Variants in ASB18 observed in about 807,000 individuals in gnomAD.
ASB18 encodes the protein ankyrin repeat and SOCS box containing 18.
In ASB18, 33 loss-of-function variants were observed where a neutral mutation model predicts 33.4. The observed-to-expected ratio is 0.99, with a 90% CI of 0.75 to 1.32. The LOEUF (loss-of-function observed/expected upper bound fraction) is 1.32. Among genes scored for constraint, ASB18 ranks in the 40% most tolerant of loss-of-function variants. ASB18 has a pLI of 0.00. For synonymous variants in ASB18, 295 were observed against 307.6 expected (o/e 0.96, Z 0.43); for missense variants, 694 against 655.5 (o/e 1.06, Z -0.64).
At position 236,253,737 on chromosome 2, in the gene ASB18, C is replaced by T. The variant is rs558551455; in HGVS notation, c.205+10404G>A. The T allele has an allele frequency of 6.6e-6, 1 of 152,176 alleles. No homozygotes were observed. Among genetic ancestry groups the T allele is most frequent in the East Asian group, 1.9e-4 (1 of 5,178 alleles). The allele number at this position is 152,176 out of a possible 1,614,324, so 9.4% of individuals were successfully genotyped here. On this transcript the variant is annotated intron_variant, in intron 1 of 5. Transcript: ENST00000409749. The surrounding 1 kb of genome is among the most constrained non-coding windows in gnomAD (Gnocchi z 5.4). ...AATTAGTTACCGGCAAAAATAAAAC[C>T]GAAAAACGACAGGTAATTACAAGTC... is the stretch of plus-strand genomic sequence containing the variant.
Position 236,263,308 on chromosome 2 carries a change from C to T in ASB18, c.205+833G>A, listed in dbSNP as rs1375757238. On this transcript the variant is annotated intron_variant, in intron 1 of 5. Transcript: ENST00000409749. This position sits in a 1 kb window ranked among gnomAD's most constrained non-coding sequence, Gnocchi z 4.0. ...CCAAGACCCAAATAGACAGGTCTTG[C>T]ACCTGATGAGGCCTACAAAGAAAAA... 6.6e-6 allele frequency among the ~76,000 whole-genome samples: 1 copy of T among 152,202 alleles called. No individual in the cohort carries two copies. The highest frequency in any genetic ancestry group is 2.4e-5 in the African/African-American group (1 of 41,446).
chr2:236,258,872 T>G (rs962633833), intron 1 of ASB18, among the ~76,000 whole-genome samples: 5 of 152,228 alleles, frequency 3.3e-5, no homozygotes, highest in African/African-American at 1.2e-4. Context: ...AATGCCTCTA[T>G]TTTTCTATTT....
chr2:236,201,712 G>T (rs1387765845), intron 4 of ASB18, among the ~76,000 whole-genome samples: 1 of 146,984 alleles, frequency 6.8e-6, no homozygotes. Flanking sequence ...TGGCTCACTT[G>T]GTCTGTGATA....
rs2060367465 is a variant in ASB18, at chr2:236,195,490, A to G, written c.1216-433T>C. Among the ~76,000 whole-genome samples the G allele has an allele frequency of 6.6e-6, 1 of 151,302 alleles. No homozygotes were observed. Among genetic ancestry groups the G allele is most frequent in the South Asian group, 2.1e-4 (1 of 4,780 alleles). ...CACACATGACTCAAGTCAGTGAAACAGAAAAAACACACACAACTCTTCTCA... is the reference window on the plus strand; with the variant it reads ...CACACATGACTCAAGTCAGTGAAACGGAAAAAACACACACAACTCTTCTCA... On this transcript the variant is annotated intron_variant, in intron 5 of 5. Transcript: ENST00000409749. This position sits in a 1 kb window ranked among gnomAD's most constrained non-coding sequence, Gnocchi z 5.5.
At chr2:236,243,557 G>A (rs1220589400) in intron 1 of ASB18, among the ~76,000 whole-genome samples, 2 of 152,176 alleles carry the variant, frequency 1.3e-5, no homozygotes, top group South Asian at 2.1e-4. Context: ...TGGGTGTTAG[G>A]AGGCTCCATA....
chr2:236,245,672 G>A lies in ASB18; in HGVS notation c.206-4270C>T, dbSNP rs745645893. Among the ~76,000 whole-genome samples the A allele has an allele frequency of 1.3e-5, 2 of 152,114 alleles. No homozygotes were observed. Among genetic ancestry groups the A allele is most frequent in the African/African-American group, 4.8e-5 (2 of 41,408 alleles). ...CCTTGCACTCTGACTGTGGCACTGG[G>A]CGCTCTACTATTACTGCTGGTTCCT... On this transcript the variant is annotated intron_variant, in intron 1 of 5. Transcript: ENST00000409749. The surrounding 1 kb of genome is among the most constrained non-coding windows in gnomAD (Gnocchi z 4.7).
rs1406829881 is a variant in ASB18 at position 236,260,298 on chromosome 2, C to T, written c.205+3843G>A. Among the ~76,000 whole-genome samples the T allele has an allele frequency of 1.3e-5, 2 of 152,202 alleles. No homozygotes were observed. Among genetic ancestry groups the T allele is most frequent in the African/African-American group, 4.8e-5 (2 of 41,452 alleles). ...GCCTTCTCCTGGCTCAGGTGGGCAT[C>T]ACCAGCTCTGCCCCCTCTCTTGGCC... is the stretch of plus-strand genomic sequence containing the variant. On this transcript the variant is annotated intron_variant, in intron 1 of 5. Coordinates refer to ENST00000409749, the MANE Select transcript of ASB18 (RefSeq NM_212556.4). The surrounding 1 kb of genome is among the most constrained non-coding windows in gnomAD (Gnocchi z 5.1).
rs1465199259 is a variant in ASB18, at chr2:236,209,254, C to T, written c.1101+5108G>A. Reference sequence around the variant, plus strand: ...AAGCTGAGACAAGACCAGAGATTTGCAGATGTTTCTAGAATCTGCTTTTTT... The same window carrying T: ...AAGCTGAGACAAGACCAGAGATTTGTAGATGTTTCTAGAATCTGCTTTTTT... On this transcript the variant is annotated intron_variant, in intron 4 of 5. Coordinates refer to ENST00000409749, the MANE Select transcript of ASB18 (RefSeq NM_212556.4). This position sits in a 1 kb window ranked among gnomAD's most constrained non-coding sequence, Gnocchi z 4.4. 6.7e-6 allele frequency among the ~76,000 whole-genome samples: 1 copy of T among 149,890 alleles called. No homozygotes were observed. Among genetic ancestry groups the T allele is most frequent in the Non-Finnish European group, 1.5e-5 (1 of 67,792 alleles).
Position 236,196,420 on chromosome 2 carries a change from G to T in ASB18, c.1102-35C>A. 1 of 1,250,422 alleles carries T rather than the reference G, an allele frequency of 8.0e-7. No homozygotes were observed. The highest frequency in any genetic ancestry group is 1.3e-5 in the South Asian group (1 of 78,014). 77.5% of individuals were successfully genotyped at this position (1,250,422 alleles called of 1,614,324 possible). A position where few individuals can be genotyped will look rare whatever the true frequency, so the allele number is the denominator to read the frequency against. On this transcript the variant is annotated intron_variant, in intron 4 of 5. Transcript: ENST00000409749. This position sits in a 1 kb window ranked among gnomAD's most constrained non-coding sequence, Gnocchi z 5.6. Reference sequence around the variant, plus strand: ...AGAGGTGAAAGACGCAGCGTAGGCCGACTGGGTTCTGGGTCTCAGTGGGGA... The same window carrying T: ...AGAGGTGAAAGACGCAGCGTAGGCCTACTGGGTTCTGGGTCTCAGTGGGGA...
rs921517070 is a variant in ASB18, at chr2:236,263,891, A to G, written c.205+250T>C. On this transcript the variant is annotated intron_variant, in intron 1 of 5. Transcript: ENST00000409749. This position sits in a 1 kb window ranked among gnomAD's most constrained non-coding sequence, Gnocchi z 4.0. ...CGCAAATGGACAGGCTTGGAAAACA[A>G]TGGAGCCACAGAGCAGCCACTGTGG... Among the ~76,000 whole-genome samples the G allele has an allele frequency of 1.3e-5, 2 of 152,226 alleles. No individual in the cohort carries two copies. The highest frequency in any genetic ancestry group is 2.4e-5 in the African/African-American group (1 of 41,460).
At chr2:236,210,212 G>C (rs985708353) in intron 4 of ASB18, among the ~76,000 whole-genome samples, 14 of 152,196 alleles carry the variant, frequency 9.2e-5, no homozygotes, top group Non-Finnish European at 1.8e-4. Flanking sequence ...CCCCCAAAAT[G>C]TTTGTTGAAT....
intron 4 of ASB18, among the ~76,000 whole-genome samples, chr2:236,212,362 G>C (rs1353592093): frequency 2.0e-5 from 3 of 152,328 alleles, no homozygotes; most frequent in African/African-American, 7.2e-5. Context: ...CTTGGAAACA[G>C]AGTCCAGGGG....
rs567404252 is a variant in ASB18 at position 236,259,927 on chromosome 2, T to A, written c.205+4214A>T. ...GGCACATGTTCACCTGAGGGACTTC[T>A]CCAGAAAAAGCCCTTTCCACCATTG... On this transcript the variant is annotated intron_variant, in intron 1 of 5. Coordinates refer to ENST00000409749, the MANE Select transcript of ASB18 (RefSeq NM_212556.4). This position sits in a 1 kb window ranked among gnomAD's most constrained non-coding sequence, Gnocchi z 4.4. 6.6e-6 allele frequency among the ~76,000 whole-genome samples: 1 copy of A among 152,344 alleles called. No homozygotes were observed. Among genetic ancestry groups the A allele is most frequent in the East Asian group, 1.9e-4 (1 of 5,176 alleles).
chr2:236,233,104 T>C (rs1489381738), intron 3 of ASB18, among the ~76,000 whole-genome samples: 7 of 152,112 alleles, frequency 4.6e-5, no homozygotes, highest in African/African-American at 1.7e-4. Flanking sequence ...TGATCAAGTG[T>C]GGTTTATCCC....
In ASB18 at chr2:236,196,330, T is replaced by C; in HGVS notation, c.1157A>G (p.Tyr386Cys). ...PAVIEVLFNSYPQLCLSESWK... is the reference protein window; with the variant it reads ...PAVIEVLFNSCPQLCLSESWK... ...GGACTCTGACAAGCAGAGCTGAGGG[T>C]AGGAGTTGAAAAGCACCTCGATGAC... Residue 386 changes from tyrosine (Y) to cysteine (C), a missense_variant, in exon 5 of 6, where the codon TAC becomes TGC. Transcript: ENST00000409749. This position sits in a 1 kb window ranked among gnomAD's most constrained non-coding sequence, Gnocchi z 5.6. 6.4e-7 allele frequency: 1 copy of C among 1,566,842 alleles called. No homozygotes were observed. The highest frequency in any genetic ancestry group is 8.7e-7 in the Non-Finnish European group (1 of 1,155,340).
Position 236,256,729 on chromosome 2 carries a change from A to ACAGG in ASB18, c.205+7411_205+7412insCCTG, listed in dbSNP as rs1345369311. 6.6e-6 allele frequency among the ~76,000 whole-genome samples: 1 copy of ACAGG among 152,138 alleles called. No individual in the cohort carries two copies. The highest frequency in any genetic ancestry group is 1.5e-5 in the Non-Finnish European group (1 of 68,016). On this transcript the variant is annotated intron_variant, in intron 1 of 5. Transcript: ENST00000409749. The surrounding 1 kb of genome is among the most constrained non-coding windows in gnomAD (Gnocchi z 4.7). Reference sequence around the variant, plus strand: ...CCTGATTTAGTCTAATTGCAATTTCACTGTGTTCCACAGGCAGTGACAGTT... The same window carrying ACAGG: ...CCTGATTTAGTCTAATTGCAATTTCACAGGCTGTGTTCCACAGGCAGTGACAGTT...
Position 236,264,106 on chromosome 2 carries a change from T to A in ASB18, c.205+35A>T, listed in dbSNP as rs1219703936. 4 of 1,598,328 alleles carry A rather than the reference T, an allele frequency of 2.5e-6. No individual in the cohort carries two copies. Among genetic ancestry groups the A allele is most frequent in the Non-Finnish European group, 2.6e-6 (3 of 1,168,480 alleles). On this transcript the variant is annotated intron_variant, in intron 1 of 5. Coordinates refer to ENST00000409749, the MANE Select transcript of ASB18 (RefSeq NM_212556.4). This position sits in a 1 kb window ranked among gnomAD's most constrained non-coding sequence, Gnocchi z 5.1. ...CCACCCCATCAGTGTAACTTAGTAA[T>A]TAAATCCCAGATGCAGCAGGCTCGT...
At chr2:236,230,042 C>T (rs7602609) in intron 3 of ASB18, among the ~76,000 whole-genome samples, 58,306 of 151,480 alleles carry the variant, frequency 0.38, 11,738 homozygotes, top group African/African-American at 0.52. Context: ...ATAAGTGACA[C>T]AGAAATGACA....
chr2:236,199,606 A>T (rs1254863663), intron 4 of ASB18, among the ~76,000 whole-genome samples: 2 of 151,534 alleles, frequency 1.3e-5, no homozygotes, highest in African/African-American at 4.8e-5. Flanking sequence ...TCTTCACCGT[A>T]TCTATTAATA....
Sources: allele counts gnomAD v4.1 joint callset (sites outside exome capture counted in the v4.1 genomes callset), GRCh38; gene constraint gnomAD v4.1.1; non-coding constraint Gnocchi (gnomAD v3.1); transcripts MANE v1.5; gene names NCBI Gene and HGNC (gene_info 2026-07-23, HGNC 2026-07-21).